Variants in CEP63 observed in about 807,000 individuals in gnomAD.
CEP63 encodes the protein centrosomal protein 63.
Under a neutral mutation model 89.1 loss-of-function variants are expected in CEP63, and 84 were observed. The observed-to-expected ratio is 0.94, with a 90% CI of 0.79 to 1.13. CEP63 has a LOEUF of 1.13. Ranked by LOEUF, CEP63 falls within the 50% of genes most tolerant of loss-of-function variation. CEP63 has a pLI of 0.00. For synonymous variants in CEP63, 267 were observed against 272.5 expected, an observed-to-expected ratio of 0.98 and a Z score of 0.20; for missense variants, 838 against 813.3, an observed-to-expected ratio of 1.03 and a Z score of -0.37.
the CEP63 span, among the ~76,000 whole-genome samples, chr3:134,709,237 T>C: frequency 3.3e-5 from 5 of 152,238 alleles, no homozygotes; most frequent in South Asian, 2.1e-4. Context: ...TCAGTTCTCA[T>C]AGGCTCCAGA....
chr3:134,616,224 A>C, the CEP63 span, among the ~76,000 whole-genome samples: 1 of 152,230 alleles, frequency 6.6e-6, no homozygotes, highest in Non-Finnish European at 1.5e-5. Flanking sequence ...AGCATTAACC[A>C]AAAAACCCCA....
the CEP63 span, among the ~76,000 whole-genome samples, chr3:134,677,431 G>A: frequency 6.6e-6 from 1 of 152,148 alleles, no homozygotes; most frequent in African/African-American, 2.4e-5. Flanking sequence ...CTGCTCCCCT[G>A]TGGCCACATG....
intron 6 of CEP63, among the ~76,000 whole-genome samples, chr3:134,542,402 C>A (rs373821146): frequency 6.6e-6 from 1 of 152,120 alleles, no homozygotes; most frequent in South Asian, 2.1e-4. Context: ...AGCATAGACA[C>A]AACAGTGATA....
At chr3:134,693,168 A>G in the CEP63 span, among the ~76,000 whole-genome samples, 1 of 152,226 alleles carries the variant, frequency 6.6e-6, no homozygotes, top group Admixed American at 6.5e-5. Flanking sequence ...GGACAATAAG[A>G]TATTCAAGAA....
At chr3:134,568,453 G>A (rs2110263949), downstream of CEP63, among the ~76,000 whole-genome samples, 1 of 152,348 alleles carries the variant, frequency 6.6e-6, no homozygotes, top group Non-Finnish European at 1.5e-5. Flanking sequence ...AGGTTCCTGT[G>A]TAACCCAACA....
At chr3:134,715,639 G>A in the CEP63 span, among the ~76,000 whole-genome samples, 133 of 151,676 alleles carry the variant, frequency 8.8e-4, no homozygotes, top group Non-Finnish European at 1.4e-3. Context: ...GATTCTCAGA[G>A]CAATGCGGGG....
the CEP63 span, chr3:134,607,943 C>T: frequency 5.0e-6 from 5 of 996,046 alleles, no homozygotes; most frequent in Non-Finnish European, 6.0e-6. Flanking sequence ...TTACTGTGTC[C>T]CCGCCTCTCC....
At chr3:134,772,932 G>A in the CEP63 span, among the ~76,000 whole-genome samples, 2 of 152,210 alleles carry the variant, frequency 1.3e-5, no homozygotes, top group Non-Finnish European at 2.9e-5. Context: ...GGTTGGGAGA[G>A]CTATTTGGGC....
chr3:134,635,712 A>G, the CEP63 span, among the ~76,000 whole-genome samples: 1 of 152,098 alleles, frequency 6.6e-6, no homozygotes, highest in Admixed American at 6.5e-5. Flanking sequence ...CACACTACAA[A>G]CATTCGATTT....
intron 10 of CEP63, among the ~76,000 whole-genome samples, chr3:134,580,872 G>A (rs1041941371): frequency 6.6e-6 from 1 of 152,160 alleles, no homozygotes; most frequent in African/African-American, 2.4e-5. Flanking sequence ...AGGTGCCAAA[G>A]GGAAATTGAG....
intron 2 of CEP63, among the ~76,000 whole-genome samples, chr3:134,503,569 C>G (rs575454936): frequency 3.0e-4 from 46 of 152,176 alleles, no homozygotes; most frequent in African/African-American, 9.6e-4. Flanking sequence ...TGTTGATTTT[C>G]TGTCTAAATC....
chr3:134,625,434 A>G, the CEP63 span, among the ~76,000 whole-genome samples: 1 of 152,262 alleles, frequency 6.6e-6, no homozygotes, highest in African/African-American at 2.4e-5. Flanking sequence ...TTAACCCAGT[A>G]GTTCCCAGAC....
chr3:134,486,161 C>G lies in CEP63; in HGVS notation c.-67C>G. On this transcript the variant is annotated 5_prime_UTR_variant, in exon 1 of 15. Transcript: ENST00000675561. ...AAACGCGCCGACTACAGAGGCTGGACGTAAGCTTAGCGGTGGCGCGCGTGC... is the reference window on the plus strand; with the variant it reads ...AAACGCGCCGACTACAGAGGCTGGAGGTAAGCTTAGCGGTGGCGCGCGTGC... 9.1e-6 allele frequency: 9 copies of G among 985,568 alleles called. No individual in the cohort carries two copies. The highest frequency in any genetic ancestry group is 7.2e-6 in the Non-Finnish European group (6 of 830,020). The allele number at this position is 985,568 out of a possible 1,614,324, so 61.1% of individuals were successfully genotyped here. A position where few individuals can be genotyped will look rare whatever the true frequency, so the allele number is the denominator to read the frequency against.
intron 6 of CEP63, 107 bp downstream of exon 6, chr3:134,537,375 C>G: frequency 1.4e-6 from 1 of 739,684 alleles, no homozygotes; most frequent in Non-Finnish European, 2.4e-6. Flanking sequence ...CAGCTTCTCT[C>G]CACGAACCCT....
the CEP63 span, among the ~76,000 whole-genome samples, chr3:134,763,006 A>T: frequency 2.0e-5 from 3 of 152,206 alleles, no homozygotes; most frequent in Non-Finnish European, 4.4e-5. Context: ...CGAACTGTGA[A>T]TAAGAAGGCA....
At chr3:134,692,217 G>A in the CEP63 span, among the ~76,000 whole-genome samples, 3 of 151,952 alleles carry the variant, frequency 2.0e-5, no homozygotes, top group Admixed American at 6.6e-5. Flanking sequence ...CCATTAACTC[G>A]TCATTTACAT....
the CEP63 span, among the ~76,000 whole-genome samples, chr3:134,736,630 C>A: frequency 3.3e-5 from 5 of 152,180 alleles, no homozygotes; most frequent in Middle Eastern, 0.017. Flanking sequence ...CTGAAGAAAT[C>A]ATTAAACTTT....
At chr3:134,621,858 C>T in the CEP63 span, among the ~76,000 whole-genome samples, 1 of 152,114 alleles carries the variant, frequency 6.6e-6, no homozygotes, top group Non-Finnish European at 1.5e-5. Context: ...AGAACTCCTA[C>T]AACTCCACAA....
the CEP63 span, among the ~76,000 whole-genome samples, chr3:134,650,129 T>C: frequency 2.6e-5 from 4 of 152,358 alleles, 1 homozygote; most frequent in African/African-American, 9.6e-5. Context: ...GCCCGGATCC[T>C]GCTTTCCACA....
Sources: gnomAD v4.1 joint callset for allele counts (sites outside exome capture counted in the v4.1 genomes callset) on GRCh38, gnomAD v4.1.1 for gene constraint, MANE v1.5 for transcripts, NCBI Gene and HGNC (gene_info 2026-07-23, HGNC 2026-07-21) for gene names.